Variants in FRMPD4 observed in about 807,000 individuals in gnomAD.
The protein encoded by FRMPD4 is FERM and PDZ domain-containing protein 4.
In FRMPD4, 22 loss-of-function variants were observed where a neutral mutation model predicts 94.1. The observed-to-expected ratio is 0.23, with a 90% CI of 0.17 to 0.33. The LOEUF is 0.33. Among genes scored for constraint, FRMPD4 ranks in the 10% least tolerant of loss-of-function variants. The probability of loss-of-function intolerance (pLI) is 1.00; values close to 1 mark genes in which losing one functional copy is unlikely to be tolerated. For missense variants in FRMPD4, 1,111 were observed against 1,339.9 expected, an observed-to-expected ratio of 0.83 and a Z score of 2.67; for synonymous variants, 631 against 548.6, an observed-to-expected ratio of 1.15 and a Z score of -2.10.
chrX:12,165,832 C>G (rs1401348558), intron 1 of FRMPD4, among the ~76,000 whole-genome samples: 1 of 110,894 alleles, frequency 9.0e-6, no homozygotes, highest in Non-Finnish European at 1.9e-5. Context: ...GGAGTTCACT[C>G]ATGATTTGGC....
chrX:12,160,522 A>G (rs113325097), intron 1 of FRMPD4, among the ~76,000 whole-genome samples: 2,762 of 111,735 alleles, frequency 0.025, 99 homozygotes, highest in African/African-American at 0.083. Context: ...GTTCTGTTTC[A>G]GGGGAGTTCC....
intron 2 of FRMPD4, among the ~76,000 whole-genome samples, chrX:12,504,216 A>G (rs1180867328): frequency 8.9e-6 from 1 of 112,732 alleles, no homozygotes; most frequent in Non-Finnish European, 1.9e-5. Context: ...GTGATAGGTT[A>G]CTCTGTTATT....
chrX:12,084,286 C>G (rs1367597192), intron 3 of FRMPD4, among the ~76,000 whole-genome samples: 1 of 109,863 alleles, frequency 9.1e-6, no homozygotes, highest in African/African-American at 3.3e-5. Flanking sequence ...TCCGCTTTTG[C>G]TTCTTCCTAA....
At chrX:11,958,655 G>A (rs1460157630) in intron 3 of FRMPD4, among the ~76,000 whole-genome samples, 1 of 111,777 alleles carries the variant, frequency 8.9e-6, no homozygotes, top group Non-Finnish European at 1.9e-5. Flanking sequence ...GATTTGGTCT[G>A]TTGAGCCAAT....
At chrX:11,923,317 C>A (rs1361594374) in intron 3 of FRMPD4, among the ~76,000 whole-genome samples, 1 of 112,246 alleles carries the variant, frequency 8.9e-6, no homozygotes, top group Non-Finnish European at 1.9e-5. Context: ...CAGAGAACAG[C>A]AGATCTTCCC....
chrX:12,308,792 GA>G (rs2054985668), intron 1 of FRMPD4, among the ~76,000 whole-genome samples: 1 of 109,163 alleles, frequency 9.2e-6, no homozygotes, highest in African/African-American at 3.3e-5. Context: ...ATTTGCTAAG[GA>G]AAAAAAAATG....
chrX:11,859,855 T>C (rs1198435000), intron 1 of FRMPD4, among the ~76,000 whole-genome samples: 1 of 112,132 alleles, frequency 8.9e-6, no homozygotes, highest in Non-Finnish European at 1.9e-5. Context: ...CCCTAGCTGC[T>C]GCTGCCACTT....
intron 1 of FRMPD4, among the ~76,000 whole-genome samples, chrX:12,271,117 C>T (rs990050809): frequency 8.9e-6 from 1 of 111,837 alleles, no homozygotes; most frequent in African/African-American, 3.2e-5. Flanking sequence ...AGGTAATTCC[C>T]GCCACTCAGC....
chrX:12,027,808 T>C (rs1232135982), intron 3 of FRMPD4, among the ~76,000 whole-genome samples: 1 of 112,203 alleles, frequency 8.9e-6, no homozygotes, highest in Non-Finnish European at 1.9e-5. Flanking sequence ...TAATCTTAAA[T>C]ATAAAGAAAT....
At chrX:12,243,093 G>A (rs2053900684) in intron 1 of FRMPD4, among the ~76,000 whole-genome samples, 3 of 112,152 alleles carry the variant, frequency 2.7e-5, no homozygotes, top group Admixed American at 9.4e-5. Context: ...TGTTACCCAG[G>A]ATGATTTCAA....
intron 1 of FRMPD4, among the ~76,000 whole-genome samples, chrX:12,396,585 T>C (rs1363124947): frequency 2.7e-5 from 3 of 112,230 alleles, no homozygotes. Flanking sequence ...TAATTAAATG[T>C]TTTGGAGTTT....
intron 3 of FRMPD4, among the ~76,000 whole-genome samples, chrX:12,100,497 C>G (rs1281361244): frequency 9.1e-6 from 1 of 110,314 alleles, no homozygotes; most frequent in African/African-American, 3.3e-5. Flanking sequence ...ATCTAACAAT[C>G]CTGACCTTTT....
intron 3 of FRMPD4, among the ~76,000 whole-genome samples, chrX:12,123,640 T>C (rs2055475481): frequency 8.9e-6 from 1 of 111,976 alleles, no homozygotes. Flanking sequence ...GAATGGATCA[T>C]TCTTTGTTGT....
intron 5 of FRMPD4, among the ~76,000 whole-genome samples, chrX:12,681,334 C>A (rs539918724): frequency 8.9e-6 from 1 of 112,424 alleles, no homozygotes; most frequent in Non-Finnish European, 1.9e-5. Flanking sequence ...ATGCGCTCAC[C>A]GCTGTATGAT....
chrX:12,475,835 C>A lies in FRMPD4; in HGVS notation c.42-22845C>A, dbSNP rs192143459. ...CAGAGGATACAAACAAATGGAAGAA[C>A]ATTCCATGCTCATGGGTAGGAAGAA... On this transcript the variant is annotated intron_variant, in intron 1 of 16. Coordinates refer to ENST00000675598, the MANE Select transcript of FRMPD4 (RefSeq NM_001368397.1). Among the ~76,000 whole-genome samples, 293 of 111,714 alleles carry A rather than the reference C, an allele frequency of 2.6e-3. 1 individual carries two copies. The highest frequency in any genetic ancestry group is 9.1e-3 in the African/African-American group (280 of 30,794).
intron 5 of FRMPD4, among the ~76,000 whole-genome samples, chrX:12,681,040 T>C (rs913062863): frequency 9.0e-6 from 1 of 111,728 alleles, no homozygotes; most frequent in Non-Finnish European, 1.9e-5. Flanking sequence ...TAGAAAAATA[T>C]GGCAAAATAT....
intron 1 of FRMPD4, among the ~76,000 whole-genome samples, chrX:12,485,009 G>T (rs899296341): frequency 7.1e-5 from 8 of 112,295 alleles, no homozygotes; most frequent in Admixed American, 3.8e-4. Context: ...AAGCCATACA[G>T]TCTCTGTCAC....
chrX:12,517,320 G>A (rs183495595), intron 2 of FRMPD4, among the ~76,000 whole-genome samples: 6 of 90,135 alleles, frequency 6.7e-5, no homozygotes, highest in African/African-American at 8.3e-5. Context: ...TTGTTGATTC[G>A]TTCTAATCTT....
chrX:12,553,980 GTT>G (rs1408389095), intron 2 of FRMPD4, among the ~76,000 whole-genome samples: 1 of 111,324 alleles, frequency 9.0e-6, no homozygotes, highest in African/African-American at 3.3e-5. Context: ...CATAGGTTTT[GTT>G]TTTGTTTTTA....
Sources: gnomAD v4.1 joint callset for allele counts (sites outside exome capture counted in the v4.1 genomes callset) on GRCh38, gnomAD v4.1.1 for gene constraint, MANE v1.5 for transcripts, NCBI Gene and HGNC (gene_info 2026-07-23, HGNC 2026-07-21) for gene names.